DNM3: variants seen among roughly 807,000 people sequenced by gnomAD.
The protein encoded by DNM3 is dynamin-3.
In DNM3, 47 loss-of-function variants were observed where a neutral mutation model predicts 101.6. That is an observed-to-expected ratio of 0.46 (90% CI 0.37 to 0.59). The LOEUF is 0.59. Ranked by LOEUF, DNM3 falls within the 20% of genes least tolerant of loss-of-function variation. The pLI is 0.00. For synonymous variants in DNM3, 385 were observed against 387.9 expected, an observed-to-expected ratio of 0.99 and a Z score of 0.09; for missense variants, 849 against 1,085.7, an observed-to-expected ratio of 0.78 and a Z score of 3.06.
chr1:172,204,142 G>A (rs2060248225), intron 14 of DNM3, among the ~76,000 whole-genome samples: 1 of 152,014 alleles, frequency 6.6e-6, no homozygotes. Context: ...CTGTATAATT[G>A]AGCCATGTCA....
At chr1:172,343,778 C>T (rs114028283) in intron 17 of DNM3, among the ~76,000 whole-genome samples, 17 of 152,192 alleles carry the variant, frequency 1.1e-4, no homozygotes, top group Admixed American at 7.8e-4. Flanking sequence ...GGGGATTTCC[C>T]GGAGAGAATA....
At position 171,860,827 on chromosome 1, in the gene DNM3, C is replaced by T. The variant is rs571794870; in HGVS notation, c.161+19010C>T. On this transcript the variant is annotated intron_variant, in intron 1 of 20. Transcript: ENST00000627582. The stretch of plus-strand genomic sequence containing the variant: ...GATGGGGAAGGGAAGAATGAAAAAA[C>T]GACTCTCAAGTTTTTGACTTGTGAC... 8.2e-3 allele frequency among the ~76,000 whole-genome samples: 1,219 copies of T among 149,230 alleles called. 15 individuals carry two copies. Among genetic ancestry groups the T allele is most frequent in the African/African-American group, 0.027 (1,114 of 40,646 alleles).
chr1:172,183,797 T>TTG (rs71107342), intron 14 of DNM3, among the ~76,000 whole-genome samples: 2 of 111,716 alleles, frequency 1.8e-5, no homozygotes, highest in Non-Finnish European at 3.7e-5. Flanking sequence ...TTTTTTTTTT[T>TTG]GTAGAAACAG....
intron 17 of DNM3, among the ~76,000 whole-genome samples, chr1:172,361,297 G>A (rs9425573): frequency 1.3e-5 from 2 of 151,740 alleles, no homozygotes; most frequent in Non-Finnish European, 2.9e-5. Context: ...CAATTATGAC[G>A]GTCAGGGAAT....
rs116675504 is a variant in DNM3, at chr1:171,859,123, C to T, written c.161+17306C>T. ...TCATACAAGGCCCTGTGTAGCCCAG[C>T]TTCTCCAGGTTATGTGTTGTTATTC... On this transcript the variant is annotated intron_variant, in intron 1 of 20. Coordinates refer to ENST00000627582, the MANE Select transcript of DNM3 (RefSeq NM_015569.5). Among the ~76,000 whole-genome samples the T allele has an allele frequency of 3.0e-3, 454 of 152,282 alleles. 4 individuals are homozygous for T. Among genetic ancestry groups the T allele is most frequent in the African/African-American group, 9.9e-3 (413 of 41,560 alleles).
chr1:172,018,150 T>G (rs575398721), intron 4 of DNM3, among the ~76,000 whole-genome samples: 6 of 152,280 alleles, frequency 3.9e-5, no homozygotes, highest in Admixed American at 2.6e-4. Flanking sequence ...TGATCCACTC[T>G]AACAATCTCT....
In DNM3 at chr1:172,036,406, T is replaced by C. The variant is rs554744727; in HGVS notation, c.850-1913T>C. 2.6e-5 allele frequency among the ~76,000 whole-genome samples: 4 copies of C among 152,106 alleles called. No individual in the cohort carries two copies. In the South Asian group the frequency reaches 8.3e-4, roughly 32 times the overall value. ...CTGACTTCAAACTATACTACAAGGC[T>C]ACAGTAACCAAAACAGCATGGTACT... On this transcript the variant is annotated intron_variant, in intron 6 of 20. Transcript: ENST00000627582.
At chr1:172,085,937 A>T (rs2053500057) in intron 12 of DNM3, among the ~76,000 whole-genome samples, 1 of 152,104 alleles carries the variant, frequency 6.6e-6, no homozygotes, top group African/African-American at 2.4e-5. Flanking sequence ...GTATAAAAAG[A>T]TCCTTTTTTT....
chr1:172,357,349 C>T (rs770783662), intron 17 of DNM3, among the ~76,000 whole-genome samples: 1 of 152,014 alleles, frequency 6.6e-6, no homozygotes, highest in Non-Finnish European at 1.5e-5. Flanking sequence ...CCATCTTAAC[C>T]AAATGATCAA....
intron 2 of DNM3, among the ~76,000 whole-genome samples, chr1:171,928,501 T>C (rs1375245756): frequency 1.3e-5 from 2 of 152,126 alleles, no homozygotes; most frequent in East Asian, 1.9e-4. Context: ...GGGTCTGTGC[T>C]ATGGGACCAA....
At chr1:172,289,490 T>C in intron 15 of DNM3, 6 of 858,110 alleles carry the variant, frequency 7.0e-6, no homozygotes, top group Non-Finnish European at 8.4e-6. Flanking sequence ...ATCTTTTATA[T>C]TACAGAATTC....
intron 1 of DNM3, among the ~76,000 whole-genome samples, chr1:171,912,647 A>C (rs1289752143): frequency 6.6e-6 from 1 of 152,176 alleles, no homozygotes; most frequent in African/African-American, 2.4e-5. Flanking sequence ...ACGAAATCAG[A>C]ACCTTTTAAA....
chr1:172,354,975 T>C (rs989977801), intron 17 of DNM3, among the ~76,000 whole-genome samples: 1 of 152,176 alleles, frequency 6.6e-6, no homozygotes, highest in Non-Finnish European at 1.5e-5. Flanking sequence ...AGGAAAGTTA[T>C]TTGTCTCGGC....
chr1:172,288,691 C>T (rs1334737827), intron 15 of DNM3, among the ~76,000 whole-genome samples: 2 of 152,040 alleles, frequency 1.3e-5, no homozygotes, highest in South Asian at 2.1e-4. Context: ...AAAGAGATGT[C>T]GTGAATGACA....
At chr1:172,194,209 C>T (rs1476561249) in intron 14 of DNM3, among the ~76,000 whole-genome samples, 1 of 152,160 alleles carries the variant, frequency 6.6e-6, no homozygotes, top group African/African-American at 2.4e-5. Context: ...AGTTTGACTG[C>T]ACTGTGGTCT....
intron 2 of DNM3, among the ~76,000 whole-genome samples, chr1:171,983,898 G>A (rs1255898923): frequency 6.6e-6 from 1 of 152,038 alleles, no homozygotes. Flanking sequence ...GGATGGGTGT[G>A]TCATGGCCAT....
chr1:172,095,023 G>A (rs1048129570), intron 13 of DNM3, among the ~76,000 whole-genome samples: 2 of 152,138 alleles, frequency 1.3e-5, no homozygotes, highest in African/African-American at 4.8e-5. Context: ...TGCTAATTGT[G>A]TTTCTGTGAC....
intron 15 of DNM3, among the ~76,000 whole-genome samples, chr1:172,273,084 T>C (rs546177135): frequency 6.6e-5 from 10 of 152,222 alleles, no homozygotes; most frequent in Admixed American, 5.9e-4. Flanking sequence ...AAGTGTTCAA[T>C]TGCAAAAGAC....
intron 2 of DNM3, among the ~76,000 whole-genome samples, chr1:171,940,423 T>C (rs992536203): frequency 1.3e-5 from 2 of 152,166 alleles, no homozygotes; most frequent in Admixed American, 1.3e-4. Context: ...CATGTTTCAG[T>C]TGTTTTCCTG....
Sources: gnomAD v4.1 joint callset for allele counts (sites outside exome capture counted in the v4.1 genomes callset) on GRCh38, gnomAD v4.1.1 for gene constraint, MANE v1.5 for transcripts, NCBI Gene and HGNC (gene_info 2026-07-23, HGNC 2026-07-21) for gene names.